The following SLC6A3 variants were observed in gnomAD, a reference collection of about 807,000 sequenced individuals.
The protein encoded by SLC6A3 is solute carrier family 6 member 3.
SLC6A3 carries 19 observed loss-of-function variants against 70.4 expected under a neutral mutation model. The ratio of observed to expected loss-of-function variants is 0.27; its 90% CI spans 0.19 to 0.40. SLC6A3 has a LOEUF of 0.40. Among genes scored for constraint, SLC6A3 ranks in the 10% least tolerant of loss-of-function variants. The pLI, the probability that SLC6A3 is intolerant of heterozygous loss-of-function variation, is 1.00. For missense variants in SLC6A3, 613 were observed against 838.5 expected (o/e 0.73, Z 3.32); for synonymous variants, 368 against 356.6 (o/e 1.03, Z -0.36).
At chr5:1,412,219 G>T (rs1756146594) in intron 8 of SLC6A3, among the ~76,000 whole-genome samples, 1 of 152,260 alleles carries the variant, frequency 6.6e-6, no homozygotes, top group Non-Finnish European at 1.5e-5. Flanking sequence ...ACAGTGAGCG[G>T]GTCCCTGCGA....
At position 1,402,426 on chromosome 5, in the gene SLC6A3, T is replaced by C. The variant is rs955256642; in HGVS notation, c.1767+496A>G. Among the ~76,000 whole-genome samples, 4 of 151,994 alleles carry C rather than the reference T, an allele frequency of 2.6e-5. No individual in the cohort carries two copies. The highest frequency in any genetic ancestry group is 7.3e-5 in the African/African-American group (3 of 41,376). On this transcript the variant is annotated intron_variant, in intron 13 of 14. Coordinates refer to ENST00000270349, the MANE Select transcript of SLC6A3 (RefSeq NM_001044.5). The surrounding 1 kb of genome is among the most constrained non-coding windows in gnomAD (Gnocchi z 8.5). ...TCCAGCTGCCCCTGTTCAGCCAAAG[T>C]TGGGCTCGGCCCTGGGGGGACCTAG...
intron 6 of SLC6A3, 74 bp from the exon 7 acceptor site, chr5:1,416,275 C>T: frequency 9.4e-7 from 1 of 1,061,162 alleles, no homozygotes; most frequent in Non-Finnish European, 1.4e-6. Context: ...GAGCACCCTT[C>T]CTGTCCCAGC....
At chr5:1,443,408 G>A (rs1265700218) in intron 1 of SLC6A3, among the ~76,000 whole-genome samples, 166 bp from the exon 2 acceptor site, 2 of 152,236 alleles carry the variant, frequency 1.3e-5, no homozygotes, top group Non-Finnish European at 2.9e-5. Flanking sequence ...GCTGGGGCAC[G>A]GGAGCTGGGA....
intron 7 of SLC6A3, among the ~76,000 whole-genome samples, chr5:1,415,639 TG>T (rs914417458): frequency 1.9e-4 from 29 of 152,066 alleles, no homozygotes; most frequent in African/African-American, 7.0e-4. Flanking sequence ...TAGAAGGATT[TG>T]GGGTCCGGCA....
rs931984983 is a variant in SLC6A3 at position 1,438,645 on chromosome 5, G to A, written c.418+2714C>T. 1.3e-5 allele frequency among the ~76,000 whole-genome samples: 2 copies of A among 152,146 alleles called. No individual in the cohort carries two copies. The highest frequency in any genetic ancestry group is 2.4e-5 in the African/African-American group (1 of 41,424). The stretch of plus-strand genomic sequence containing the variant: ...CGGAAGGAAATGAGCTCTTATCTGC[G>A]GACCTACAGGTCCCTTTTTCTCCTG... On this transcript the variant is annotated intron_variant, in intron 3 of 14. Transcript: ENST00000270349. This position sits in a 1 kb window ranked among gnomAD's most constrained non-coding sequence, Gnocchi z 6.5.
chr5:1,443,084 G>T lies in SLC6A3; in HGVS notation c.114C>A (p.Asn38Lys). Residue 38 changes from asparagine to lysine, a missense_variant, in exon 2 of 15, where the codon AAC becomes AAA. Transcript: ENST00000270349. ...EVELILVKEQ[N>K]GVQLTSSTLT... is the part of the protein sequence containing the mutation. ...GGGTGGAGCTGGTGAGCTGCACTCC[G>T]TTCTGCTCCTTGACAAGGATGAGCT... is the stretch of plus-strand genomic sequence containing the variant. 6.2e-7 allele frequency: 1 copy of T among 1,614,152 alleles called. No homozygotes were observed. The highest frequency in any genetic ancestry group is 8.5e-7 in the Non-Finnish European group (1 of 1,180,016).
In SLC6A3 at chr5:1,406,810, A is replaced by G. The variant is rs1194881298; in HGVS notation, c.1499-522T>C. Among the ~76,000 whole-genome samples, 2 of 150,980 alleles carry G rather than the reference A, an allele frequency of 1.3e-5. No homozygotes were observed. The highest frequency in any genetic ancestry group is 3.0e-5 in the Non-Finnish European group (2 of 67,744). On this transcript the variant is annotated intron_variant, in intron 11 of 14. Coordinates refer to ENST00000270349, the MANE Select transcript of SLC6A3 (RefSeq NM_001044.5). The surrounding 1 kb of genome is among the most constrained non-coding windows in gnomAD (Gnocchi z 8.8). ...AAACGCCAACTCCTCCCGACCCCCAACCCCCGCCAGGCCCCAGCACCATCT... is the reference window on the plus strand; with the variant it reads ...AAACGCCAACTCCTCCCGACCCCCAGCCCCCGCCAGGCCCCAGCACCATCT...
At chr5:1,443,894 A>G (rs775079866) in intron 1 of SLC6A3, among the ~76,000 whole-genome samples, 4 of 151,780 alleles carry the variant, frequency 2.6e-5, no homozygotes, top group African/African-American at 4.8e-5. Context: ...ACAGGGTCTG[A>G]CTATTGTTGC....
chr5:1,412,310 C>T (rs1307214875), intron 8 of SLC6A3, among the ~76,000 whole-genome samples: 1 of 152,218 alleles, frequency 6.6e-6, no homozygotes, highest in Non-Finnish European at 1.5e-5. Flanking sequence ...GAGACAGGCT[C>T]CTGTCAGCTG....
chr5:1,431,604 C>T (rs1263066829), intron 4 of SLC6A3, among the ~76,000 whole-genome samples: 10 of 78,042 alleles, frequency 1.3e-4, no homozygotes, highest in African/African-American at 2.5e-4. Context: ...CCATGAGGGG[C>T]GGGCCTGGCC....
Position 1,413,016 on chromosome 5 carries a change from G to A in SLC6A3, c.1157-1661C>T, listed in dbSNP as rs1175585150. On this transcript the variant is annotated intron_variant, in intron 8 of 14. Transcript: ENST00000270349. The surrounding 1 kb of genome is among the most constrained non-coding windows in gnomAD (Gnocchi z 7.1). ...CTCAGGGAATGTAATGTCAACACCC[G>A]TGCCTTCGTTTCTGTACCTAAGTTA... 2.0e-5 allele frequency among the ~76,000 whole-genome samples: 3 copies of A among 152,212 alleles called. No individual in the cohort carries two copies. Among genetic ancestry groups the A allele is most frequent in the African/African-American group, 4.8e-5 (2 of 41,468 alleles).
rs1176998695 is a variant in SLC6A3, at chr5:1,416,085, G to C, written c.1031+13C>G. 3 of 1,605,510 alleles carry C rather than the reference G, an allele frequency of 1.9e-6. No homozygotes were observed. The highest frequency in any genetic ancestry group is 2.6e-6 in the Non-Finnish European group (3 of 1,172,342). Reference sequence around the variant, plus strand: ...ATTGATGAGGCCCCTGCCTGGCCCTGCTAGGGGCTCACCTGTAGCAGTTGT... The same window carrying C: ...ATTGATGAGGCCCCTGCCTGGCCCTCCTAGGGGCTCACCTGTAGCAGTTGT... On this transcript the variant is annotated intron_variant, in intron 7 of 14. Coordinates refer to ENST00000270349, the MANE Select transcript of SLC6A3 (RefSeq NM_001044.5).
chr5:1,437,357 G>A lies in SLC6A3; in HGVS notation c.418+4002C>T, dbSNP rs970810615. On this transcript the variant is annotated intron_variant, in intron 3 of 14. Coordinates refer to ENST00000270349, the MANE Select transcript of SLC6A3 (RefSeq NM_001044.5). The surrounding 1 kb of genome is among the most constrained non-coding windows in gnomAD (Gnocchi z 4.8). ...GTGCTTGCTGTGTGTGCATGTACCC[G>A]AGAGACAGAGAGGAGAAGAGACAGA... Among the ~76,000 whole-genome samples, 5 of 149,470 alleles carry A rather than the reference G, an allele frequency of 3.3e-5. No individual in the cohort carries two copies. The highest frequency in any genetic ancestry group is 6.6e-5 in the Admixed American group (1 of 15,214).
In SLC6A3 at chr5:1,413,469, C is replaced by T. The variant is rs540690175; in HGVS notation, c.1156+1222G>A. Among the ~76,000 whole-genome samples the T allele has an allele frequency of 3.3e-5, 5 of 152,326 alleles. No individual in the cohort carries two copies. Among genetic ancestry groups the T allele is most frequent in the South Asian group, 2.1e-4 (1 of 4,824 alleles). On this transcript the variant is annotated intron_variant, in intron 8 of 14. Transcript: ENST00000270349. This position sits in a 1 kb window ranked among gnomAD's most constrained non-coding sequence, Gnocchi z 7.1. Reference sequence around the variant, plus strand: ...ACTCAGGTGCGGTCAAGGCTGCCCCCGCTTGGTGCTTGTCGCTCCCCGCCT... The same window carrying T: ...ACTCAGGTGCGGTCAAGGCTGCCCCTGCTTGGTGCTTGTCGCTCCCCGCCT...
intron 6 of SLC6A3, among the ~76,000 whole-genome samples, chr5:1,417,623 G>C (rs767806111): frequency 2.6e-5 from 4 of 152,238 alleles, no homozygotes; most frequent in Non-Finnish European, 4.4e-5. Context: ...TAAAAAGTCA[G>C]CCACAACCTG....
chr5:1,428,342 G>A (rs1756617833), intron 4 of SLC6A3, among the ~76,000 whole-genome samples: 1 of 152,114 alleles, frequency 6.6e-6, no homozygotes, highest in Non-Finnish European at 1.5e-5. Context: ...TGCAGCTAAT[G>A]CAGTCCATTT....
At position 1,443,024 on chromosome 5, in the gene SLC6A3, C is replaced by T. The variant is rs1733717731; in HGVS notation, c.174G>A (p.Gln58=). ...TNPRQSPVEA[Q]DRETWGKKID... ...TCTTCTTGCCCCAGGTCTCCCGATC[C>T]TGGGCCTCCACGGGGCTCTGCCGCG... The change falls in exon 2 of 15, where the codon CAG becomes CAA. Residue 58 remains glutamine, a synonymous_variant. Coordinates refer to ENST00000270349, the MANE Select transcript of SLC6A3 (RefSeq NM_001044.5). 2 of 1,614,256 alleles carry T rather than the reference C, an allele frequency of 1.2e-6. No individual in the cohort carries two copies. The highest frequency in any genetic ancestry group is 1.7e-6 in the Non-Finnish European group (2 of 1,180,056).
rs944303279 is a variant in SLC6A3, at chr5:1,421,746, C to A, written c.792+130G>T. On this transcript the variant is annotated intron_variant, in intron 5 of 14. Coordinates refer to ENST00000270349, the MANE Select transcript of SLC6A3 (RefSeq NM_001044.5). This position sits in a 1 kb window ranked among gnomAD's most constrained non-coding sequence, Gnocchi z 7.2. ...AACCATGGCCATGTGTCCACCCCAA[C>A]CTGGCCATGGCCACATTGGTAGCAC... 7.0e-6 allele frequency: 7 copies of A among 998,646 alleles called. No homozygotes were observed. The highest frequency in any genetic ancestry group is 6.4e-5 in the South Asian group (5 of 78,118). The allele number at this position is 998,646 out of a possible 1,614,324, so 61.9% of individuals were successfully genotyped here. A position where few individuals can be genotyped will look rare whatever the true frequency, so the allele number is the denominator to read the frequency against.
chr5:1,431,299 A>G (rs903925465), intron 4 of SLC6A3, among the ~76,000 whole-genome samples: 2 of 152,252 alleles, frequency 1.3e-5, no homozygotes, highest in Non-Finnish European at 2.9e-5. Context: ...AGGAGCTGGC[A>G]CGGGGCCCAA....
Sources: allele counts gnomAD v4.1 joint callset (sites outside exome capture counted in the v4.1 genomes callset), GRCh38; gene constraint gnomAD v4.1.1; non-coding constraint Gnocchi (gnomAD v3.1); transcripts MANE v1.5; gene names NCBI Gene and HGNC (gene_info 2026-07-23, HGNC 2026-07-21).